EDARADD: variants seen among roughly 807,000 people sequenced by gnomAD.
EDARADD encodes EDAR associated via death domain, also known as ectodysplasin-A receptor-associated adapter protein.
In EDARADD, 20 loss-of-function variants were observed where a neutral mutation model predicts 25.6. That is an observed-to-expected ratio of 0.78 (90% CI 0.55 to 1.14). The LOEUF (loss-of-function observed/expected upper bound fraction) is 1.14, where lower values mean the gene tolerates loss of function less well. Among genes scored for constraint, EDARADD ranks in the 50% most tolerant of loss-of-function variants. The pLI is 0.00. For synonymous variants in EDARADD, 86 were observed against 94.4 expected, an observed-to-expected ratio of 0.91 and a Z score of 0.52; for missense variants, 225 against 270.1, an observed-to-expected ratio of 0.83 and a Z score of 1.17.
intron 1 of EDARADD, among the ~76,000 whole-genome samples, chr1:236,405,777 C>CT (rs1553265505): frequency 6.2e-4 from 42 of 68,164 alleles, no homozygotes; most frequent in African/African-American, 2.2e-3. Context: ...TTCTTTCTTT[C>CT]TTTCTTTCTT....
At chr1:236,412,474 T>A (rs182801258) in intron 2 of EDARADD, among the ~76,000 whole-genome samples, 144 of 152,274 alleles carry the variant, frequency 9.5e-4, no homozygotes, top group Admixed American at 2.0e-3. Context: ...CCCACCTAAA[T>A]CCCTTTGCTT....
Position 236,455,813 on chromosome 1 carries a change from G to A in EDARADD, c.220-12418G>A, listed in dbSNP as rs930228283. 2.0e-5 allele frequency among the ~76,000 whole-genome samples: 3 copies of A among 152,092 alleles called. No homozygotes were observed. The East Asian group carries it at 5.8e-4, about 29-fold the overall frequency. On this transcript the variant is annotated intron_variant, in intron 4 of 5. Transcript: ENST00000334232. ...ATCGCCTGTTCTTTTTTTTTGAGACGGAGTCTCGCTCTGTCACCCAGGCTG... is the reference window on the plus strand; with the variant it reads ...ATCGCCTGTTCTTTTTTTTTGAGACAGAGTCTCGCTCTGTCACCCAGGCTG...
intron 3 of EDARADD, among the ~76,000 whole-genome samples, chr1:236,420,727 T>A (rs1657761384): frequency 6.6e-6 from 1 of 152,154 alleles, no homozygotes; most frequent in Non-Finnish European, 1.5e-5. Flanking sequence ...GAATTTGATA[T>A]CACGTTGTTA....
At chr1:236,444,235 T>C (rs2103023682) in intron 4 of EDARADD, among the ~76,000 whole-genome samples, 1 of 152,292 alleles carries the variant, frequency 6.6e-6, no homozygotes, top group South Asian at 2.1e-4. Context: ...ATATTTGTTT[T>C]ATTAACTATG....
At chr1:236,472,304 A>T (rs1222462967) in intron 5 of EDARADD, among the ~76,000 whole-genome samples, 2 of 152,158 alleles carry the variant, frequency 1.3e-5, no homozygotes, top group Non-Finnish European at 2.9e-5. Flanking sequence ...TAATCTGGAG[A>T]TGTCTTCAAG....
chr1:236,388,083 T>C lies in EDARADD; in HGVS notation c.-5-21133T>C, dbSNP rs1320087287. On this transcript the variant is annotated intron_variant, in intron 3 of 7. Transcript: ENST00000439430. The stretch of plus-strand genomic sequence containing the variant: ...TTAGATCTTTAATCTATCCAAAGCT[T>C]ACTTTTGTGTATAGGGTGAGACAGA... Among the ~76,000 whole-genome samples the C allele has an allele frequency of 2.6e-5, 4 of 152,218 alleles. No individual in the cohort carries two copies. In the East Asian group the frequency reaches 7.7e-4, roughly 29 times the overall value.
intron 3 of EDARADD, among the ~76,000 whole-genome samples, chr1:236,415,345 T>C (rs1313251314): frequency 6.6e-6 from 1 of 152,202 alleles, no homozygotes; most frequent in African/African-American, 2.4e-5. Context: ...TGATAACCCA[T>C]ACACTTATGC....
chr1:236,436,624 CA>C (rs5781885), intron 4 of EDARADD, among the ~76,000 whole-genome samples: 4,194 of 94,066 alleles, frequency 0.045, 114 homozygotes, highest in African/African-American at 0.15. Flanking sequence ...AAGATCTTGT[CA>C]AAAAAAAAAA....
At chr1:236,433,321 G>A (rs562970920) in intron 4 of EDARADD, among the ~76,000 whole-genome samples, 3 of 151,686 alleles carry the variant, frequency 2.0e-5, no homozygotes, top group Admixed American at 6.6e-5. Flanking sequence ...CTTTGGGGGG[G>A]GCCGAGGCAG....
At chr1:236,372,691 C>T (rs1451279095) in intron 3 of EDARADD, among the ~76,000 whole-genome samples, 1 of 151,968 alleles carries the variant, frequency 6.6e-6, no homozygotes, top group Non-Finnish European at 1.5e-5. Context: ...GGGCCTGGTG[C>T]TTTCTGTTTT....
intron 4 of EDARADD, among the ~76,000 whole-genome samples, chr1:236,437,903 C>T (rs569293628): frequency 6.6e-5 from 10 of 152,204 alleles, no homozygotes; most frequent in Non-Finnish European, 1.5e-4. Context: ...CACCCACCAT[C>T]ATGCCCAGCT....
At chr1:236,413,222 A>T (rs1284433133) in intron 2 of EDARADD, among the ~76,000 whole-genome samples, 3 of 152,206 alleles carry the variant, frequency 2.0e-5, no homozygotes, top group Non-Finnish European at 4.4e-5. Context: ...CGGTCTTGGG[A>T]GTAGAATGAT....
chr1:236,360,541 T>A lies in EDARADD; in HGVS notation c.-6+9702T>A, dbSNP rs1409452621. ...ACAGAGGGATTTTAATTCACGGTTT[T>A]TTTTTTTTTTTTTTTTTTTTTTGAG... On this transcript the variant is annotated intron_variant, in intron 3 of 7. Coordinates refer to the EDARADD transcript ENST00000439430. Among the ~76,000 whole-genome samples, 98 of 62,462 alleles carry A rather than the reference T, an allele frequency of 1.6e-3. 4 individuals carry two copies. Among genetic ancestry groups the A allele is most frequent in the South Asian group, 0.014 (33 of 2,376 alleles). The allele number at this position is 62,462 out of a possible 152,430, so 41.0% of individuals were successfully genotyped here. A position where few individuals can be genotyped will look rare whatever the true frequency, so the allele number is the denominator to read the frequency against.
chr1:236,424,510 C>T (rs1178840435), intron 3 of EDARADD, among the ~76,000 whole-genome samples: 1 of 151,980 alleles, frequency 6.6e-6, no homozygotes, highest in Non-Finnish European at 1.5e-5. Flanking sequence ...CTTTCATTCC[C>T]TTTTTATGGT....
At chr1:236,437,473 A>T (rs74150464) in intron 4 of EDARADD, among the ~76,000 whole-genome samples, 2,660 of 152,074 alleles carry the variant, frequency 0.017, 76 homozygotes, top group African/African-American at 0.061. Flanking sequence ...CTAGCAGGGG[A>T]TGGTCTAGGG....
At chr1:236,452,395 G>A (rs1210157347) in intron 4 of EDARADD, among the ~76,000 whole-genome samples, 2 of 152,190 alleles carry the variant, frequency 1.3e-5, no homozygotes, top group Non-Finnish European at 1.5e-5. Flanking sequence ...GGAGGGAGCT[G>A]GTGGGAGGTG....
intron 4 of EDARADD, among the ~76,000 whole-genome samples, chr1:236,462,779 T>C (rs1050340577): frequency 2.6e-5 from 4 of 152,240 alleles, no homozygotes; most frequent in African/African-American, 9.6e-5. Flanking sequence ...TGCCCAAATA[T>C]AAGATAATTC....
At chr1:236,447,239 TTTCCTTTCTTTCCTTTC>T (rs1658585702) in intron 4 of EDARADD, among the ~76,000 whole-genome samples, 4 of 136,354 alleles carry the variant, frequency 2.9e-5, no homozygotes, top group African/African-American at 1.2e-4. Flanking sequence ...CTTTCCTTTC[TTTCCTTTCTTTCCTTTC>T]TTTCTTTCTT....
At chr1:236,422,763 G>C (rs1657814069) in intron 3 of EDARADD, among the ~76,000 whole-genome samples, 1 of 152,184 alleles carries the variant, frequency 6.6e-6, no homozygotes, top group African/African-American at 2.4e-5. Context: ...GGTGAGGGAT[G>C]GGGGAAGCCA....
Sources: allele counts gnomAD v4.1 joint callset (sites outside exome capture counted in the v4.1 genomes callset), GRCh38; gene constraint gnomAD v4.1.1; transcripts MANE v1.5; gene names NCBI Gene and HGNC (gene_info 2026-07-23, HGNC 2026-07-21).